The following SLC41A3 variants were observed in gnomAD, a reference collection of about 807,000 sequenced individuals.
SLC41A3 encodes the protein SLC41A1-like 2.
In SLC41A3, 44 loss-of-function variants were observed where a neutral mutation model predicts 45.4. The ratio of observed to expected loss-of-function variants is 0.97; its 90% CI spans 0.76 to 1.25. The LOEUF is 1.25. Ranked by LOEUF, SLC41A3 falls within the 50% of genes most tolerant of loss-of-function variation. The pLI, the probability that SLC41A3 is intolerant of heterozygous loss-of-function variation, is 0.00. For missense variants in SLC41A3, 550 were observed against 600.6 expected (o/e 0.92, Z 0.88); for synonymous variants, 256 against 252.4 (o/e 1.01, Z -0.13).
intron 2 of SLC41A3, among the ~76,000 whole-genome samples, chr3:126,064,147 T>TGGGG (rs1944230266): frequency 6.6e-6 from 1 of 151,832 alleles, no homozygotes; most frequent in Non-Finnish European, 1.5e-5. Context: ...GGGTCAATGG[T>TGGGG]GGGGTAAGGC....
At chr3:126,095,390 C>T (rs1337394787) in intron 1 of SLC41A3, 17 of 502,272 alleles carry the variant, frequency 3.4e-5, no homozygotes, top group Non-Finnish European at 5.9e-5. Flanking sequence ...AAGAAGCTGT[C>T]ACAGATGGCA....
At chr3:126,100,606 CATT>C (rs2108146782) in intron 1 of SLC41A3, among the ~76,000 whole-genome samples, 1 of 152,268 alleles carries the variant, frequency 6.6e-6, no homozygotes, top group East Asian at 1.9e-4. Context: ...AGACGGCAGT[CATT>C]ATATTATAAA....
At chr3:126,043,175 C>T (rs1232445853) in intron 3 of SLC41A3, among the ~76,000 whole-genome samples, 2 of 152,034 alleles carry the variant, frequency 1.3e-5, no homozygotes, top group Non-Finnish European at 2.9e-5. Flanking sequence ...TCATAACATA[C>T]AAAAGATCCT....
intron 1 of SLC41A3, among the ~76,000 whole-genome samples, chr3:126,099,953 C>T (rs1286903115): frequency 6.6e-6 from 1 of 152,096 alleles, no homozygotes; most frequent in South Asian, 2.1e-4. Context: ...GTGGAGGATG[C>T]CTAATGGATG....
In SLC41A3 at chr3:126,008,729, T is replaced by C; in HGVS notation, c.1254+3A>G. On this transcript the variant is annotated splice_donor_region_variant and intron_variant, in intron 10 of 10. Transcript: ENST00000360370. The stretch of plus-strand genomic sequence containing the variant: ...CACCTCTAATTGCTGCAGCCAGGCT[T>C]ACCTGGATCAGGCCTGCCAGCAGGT... The C allele has an allele frequency of 6.2e-7, 1 of 1,613,810 alleles. No individual in the cohort carries two copies. Among genetic ancestry groups the C allele is most frequent in the Non-Finnish European group, 8.5e-7 (1 of 1,179,752 alleles).
chr3:126,060,141 G>A (rs75960978), intron 2 of SLC41A3, among the ~76,000 whole-genome samples: 10,285 of 152,238 alleles, frequency 0.068, 443 homozygotes, highest in Non-Finnish European at 0.074. Context: ...GTGAGAGACC[G>A]GGTGCGGTGG....
Position 126,007,086 on chromosome 3 carries a change from A to G in SLC41A3, c.1394T>C (p.Phe465Ser). ...CTTGCTCTTCAGTAGCCAGTCAGTG[A>G]AAAAGCAGAGTGCCAGGAGGCCAGT... Reference protein sequence around the residue: ...LGTGLLALCFFTDWLLKSKAE... With the variant: ...LGTGLLALCFSTDWLLKSKAE... Residue 465 changes from phenylalanine (F) to serine (S), a missense_variant, in exon 11 of 11, where the codon TTC becomes TCC. Coordinates refer to ENST00000360370, the MANE Select transcript of SLC41A3 (RefSeq NM_017836.4). The G allele has an allele frequency of 1.2e-6, 2 of 1,614,240 alleles. No individual in the cohort carries two copies. The highest frequency in any genetic ancestry group is 1.1e-5 in the South Asian group (1 of 91,086).
At chr3:126,058,913 T>C (rs1234541253) in intron 2 of SLC41A3, among the ~76,000 whole-genome samples, 7 of 152,130 alleles carry the variant, frequency 4.6e-5, no homozygotes, top group Non-Finnish European at 8.8e-5. Flanking sequence ...CCAGGCCTCA[T>C]GGCCAGCTGA....
intron 1 of SLC41A3, among the ~76,000 whole-genome samples, chr3:126,076,841 G>A (rs938316221): frequency 4.6e-5 from 7 of 152,074 alleles, no homozygotes; most frequent in African/African-American, 1.2e-4. Context: ...AACACTCCAC[G>A]GATTCTTTTC....
chr3:126,080,937 C>A (rs140273498), intron 1 of SLC41A3, among the ~76,000 whole-genome samples: 85 of 150,718 alleles, frequency 5.6e-4, no homozygotes, highest in African/African-American at 2.0e-3. Context: ...GGCAACAGAG[C>A]GAGATTCCAT....
chr3:126,093,258 A>G (rs1239054918), intron 1 of SLC41A3, among the ~76,000 whole-genome samples: 1 of 152,254 alleles, frequency 6.6e-6, no homozygotes, highest in African/African-American at 2.4e-5. Context: ...TAGGGGAAAA[A>G]AGAAAACTGC....
At chr3:126,055,125 A>G (rs1006825789) in intron 2 of SLC41A3, among the ~76,000 whole-genome samples, 1 of 152,182 alleles carries the variant, frequency 6.6e-6, no homozygotes, top group African/African-American at 2.4e-5. Flanking sequence ...CTGAGTGGCC[A>G]TTAGGAAGGA....
upstream of SLC41A3, among the ~76,000 whole-genome samples, chr3:126,089,022 G>T (rs1945443037): frequency 6.6e-6 from 1 of 152,178 alleles, no homozygotes; most frequent in Admixed American, 6.5e-5. Context: ...CCAGCTCTCT[G>T]TATAAAATAC....
intron 2 of SLC41A3, among the ~76,000 whole-genome samples, chr3:126,059,496 T>G (rs1943944322): frequency 6.6e-6 from 1 of 152,026 alleles, no homozygotes; most frequent in African/African-American, 2.4e-5. Context: ...TTCTCAGAGC[T>G]CTCTCACATT....
chr3:126,079,550 G>A (rs1345646197), intron 1 of SLC41A3, among the ~76,000 whole-genome samples: 1 of 152,112 alleles, frequency 6.6e-6, no homozygotes, highest in Non-Finnish European at 1.5e-5. Context: ...CACAAAGGCA[G>A]CCTAGACAGC....
At chr3:126,077,932 C>T (rs1018275477) in intron 1 of SLC41A3, among the ~76,000 whole-genome samples, 7 of 152,200 alleles carry the variant, frequency 4.6e-5, no homozygotes, top group Non-Finnish European at 7.3e-5. Context: ...GCGGCACCCT[C>T]GGTGGCAGGA....
At chr3:126,072,940 A>C (rs1468110106) in intron 1 of SLC41A3, among the ~76,000 whole-genome samples, 2 of 152,236 alleles carry the variant, frequency 1.3e-5, no homozygotes, top group African/African-American at 4.8e-5. Context: ...TGCAGCCATG[A>C]AAAAACAAGA....
At chr3:126,085,724 A>C (rs1024060934), upstream of SLC41A3, among the ~76,000 whole-genome samples, 2 of 152,156 alleles carry the variant, frequency 1.3e-5, no homozygotes, top group Non-Finnish European at 2.9e-5. Flanking sequence ...TTTCATAGGT[A>C]AATGAGAGAC....
At chr3:126,056,554 G>A (rs772269856) in intron 2 of SLC41A3, 8 of 1,612,812 alleles carry the variant, frequency 5.0e-6, no homozygotes, top group Non-Finnish European at 6.8e-6. Flanking sequence ...GACCACCATG[G>A]CCAGGCAATG....
Sources: allele counts gnomAD v4.1 joint callset (sites outside exome capture counted in the v4.1 genomes callset), GRCh38; gene constraint gnomAD v4.1.1; transcripts MANE v1.5; gene names NCBI Gene and HGNC (gene_info 2026-07-23, HGNC 2026-07-21).